The following KIAA1549L variants were observed in gnomAD, a reference collection of about 807,000 sequenced individuals.
KIAA1549L encodes the protein UPF0606 protein KIAA1549L.
Under a neutral mutation model 160.7 loss-of-function variants are expected in KIAA1549L, and 88 were observed. The observed-to-expected ratio is 0.55, with a 90% CI of 0.46 to 0.65. The LOEUF is 0.65. KIAA1549L is among the 30% of genes least tolerant of loss of function. The pLI is 0.00. For synonymous variants in KIAA1549L, 950 were observed against 976.7 expected (o/e 0.97, Z 0.51); for missense variants, 2,258 against 2,437.5 (o/e 0.93, Z 1.55).
intron 1 of KIAA1549L, among the ~76,000 whole-genome samples, chr11:33,407,064 G>A (rs1331818007): frequency 6.8e-6 from 1 of 147,868 alleles, no homozygotes; most frequent in Non-Finnish European, 1.5e-5. Context: ...GTGGAGTTCA[G>A]TCCTTTTTCT....
At position 33,608,851 on chromosome 11, in the gene KIAA1549L, T is replaced by G. The variant is rs1334832162; in HGVS notation, c.5062-898T>G. On this transcript the variant is annotated intron_variant, in intron 14 of 20. Transcript: ENST00000658780. Reference sequence around the variant, plus strand: ...CTGCCTTGTGGAGCCTGACACAGATTGTCTTGTAATTTTCTTCCTCCTTCT... The same window carrying G: ...CTGCCTTGTGGAGCCTGACACAGATGGTCTTGTAATTTTCTTCCTCCTTCT... 2.0e-5 allele frequency among the ~76,000 whole-genome samples: 3 copies of G among 152,256 alleles called. No homozygotes were observed. The South Asian group carries it at 6.2e-4, about 31-fold the overall frequency.
chr11:33,440,120 CTTTT>C (rs201551936), intron 1 of KIAA1549L, among the ~76,000 whole-genome samples: 8 of 83,426 alleles, frequency 9.6e-5, no homozygotes, highest in Non-Finnish European at 2.0e-4. Flanking sequence ...TATTTTGTTT[CTTTT>C]TTTTTTTTTT....
intron 15 of KIAA1549L, among the ~76,000 whole-genome samples, chr11:33,613,807 A>T (rs1045965168): frequency 2.6e-5 from 4 of 152,238 alleles, no homozygotes; most frequent in Admixed American, 1.3e-4. Flanking sequence ...TAGGTTCCAA[A>T]TGTTGACTCA....
chr11:33,548,237 A>G (rs776739288), intron 4 of KIAA1549L, among the ~76,000 whole-genome samples: 3 of 152,142 alleles, frequency 2.0e-5, no homozygotes, highest in Non-Finnish European at 2.9e-5. Context: ...CGTCTCTACT[A>G]AAAATACAAA....
chr11:33,648,035 C>T (rs1847168072), intron 17 of KIAA1549L, among the ~76,000 whole-genome samples: 1 of 152,208 alleles, frequency 6.6e-6, no homozygotes, highest in Non-Finnish European at 1.5e-5. Context: ...GTCACCCAGG[C>T]TGGAGTGCAA....
Position 33,398,972 on chromosome 11 carries a change from A to G in KIAA1549L, c.238+22083A>G, listed in dbSNP as rs192579112. ...AGTGTTTTTTTTTTTTTTTCTTTTGAAATGGAGTCTTGCTCTGTCACCCAG... is the reference window on the plus strand; with the variant it reads ...AGTGTTTTTTTTTTTTTTTCTTTTGGAATGGAGTCTTGCTCTGTCACCCAG... On this transcript the variant is annotated intron_variant, in intron 1 of 20. Transcript: ENST00000658780. 7.6e-3 allele frequency among the ~76,000 whole-genome samples: 1,126 copies of G among 148,606 alleles called. 13 individuals carry two copies. Among genetic ancestry groups the G allele is most frequent in the Non-Finnish European group, 0.01 (688 of 67,302 alleles).
intron 1 of KIAA1549L, among the ~76,000 whole-genome samples, chr11:33,464,793 T>C (rs1321815307): frequency 6.6e-6 from 1 of 152,084 alleles, no homozygotes; most frequent in Non-Finnish European, 1.5e-5. Context: ...GCTTACTAGC[T>C]CTTTCTTGAT....
At chr11:33,424,860 G>A (rs1180173242) in intron 1 of KIAA1549L, among the ~76,000 whole-genome samples, 5 of 152,184 alleles carry the variant, frequency 3.3e-5, no homozygotes, top group African/African-American at 9.7e-5. Flanking sequence ...TGGACTCTGT[G>A]TGGTGAGGAG....
chr11:33,497,021 C>T (rs566917745), intron 1 of KIAA1549L, among the ~76,000 whole-genome samples: 1 of 152,242 alleles, frequency 6.6e-6, no homozygotes, highest in Admixed American at 6.5e-5. Flanking sequence ...CAAATCTTCC[C>T]ATAGCTACTA....
intron 13 of KIAA1549L, among the ~76,000 whole-genome samples, chr11:33,600,052 C>T (rs1166768364): frequency 6.6e-6 from 1 of 152,026 alleles, no homozygotes; most frequent in Non-Finnish European, 1.5e-5. Flanking sequence ...GAAATAACGA[C>T]ACATGGATTT....
chr11:33,470,995 T>A (rs1460422635), intron 1 of KIAA1549L, among the ~76,000 whole-genome samples: 1 of 151,674 alleles, frequency 6.6e-6, no homozygotes, highest in Non-Finnish European at 1.5e-5. Context: ...GTTTCTTGCA[T>A]TTTTTTTAAG....
At chr11:33,476,462 T>G (rs1328976673) in intron 1 of KIAA1549L, among the ~76,000 whole-genome samples, 1 of 152,182 alleles carries the variant, frequency 6.6e-6, no homozygotes, top group East Asian at 1.9e-4. Flanking sequence ...GCAGTTTTGA[T>G]ACAGCAGTCT....
rs1854453313 is a variant in KIAA1549L, at chr11:33,551,257, C to T, written c.3719C>T (p.Thr1240Ile). 1.2e-6 allele frequency: 2 copies of T among 1,612,196 alleles called. No individual in the cohort carries two copies. Among genetic ancestry groups the T allele is most frequent in the Non-Finnish European group, 8.5e-7 (1 of 1,179,318 alleles). ...PQPAGYFQLK[T>I]VLQFVSQADN... The stretch of plus-strand genomic sequence containing the variant: ...CCTGCAGGCTACTTCCAGCTAAAAA[C>T]AGGCAAGTGACTCGGAAGGAAGGGA... Residue 1240 changes from threonine to isoleucine, a missense_variant and splice_region_variant, in exon 5 of 21, where the codon ACA becomes ATA. Transcript: ENST00000658780.
intron 1 of KIAA1549L, among the ~76,000 whole-genome samples, chr11:33,388,809 C>T (rs368991307): frequency 6.6e-6 from 1 of 152,184 alleles, no homozygotes; most frequent in African/African-American, 2.4e-5. Context: ...CCCTGGCTTC[C>T]TTCTCTAGAC....
intron 1 of KIAA1549L, among the ~76,000 whole-genome samples, chr11:33,413,410 C>A (rs1850822610): frequency 6.7e-6 from 1 of 148,328 alleles, no homozygotes; most frequent in Non-Finnish European, 1.5e-5. Flanking sequence ...TGCGCGCCAG[C>A]TGGGGAGACA....
At position 33,639,348 on chromosome 11, in the gene KIAA1549L, C is replaced by T. The variant is rs1312070420; in HGVS notation, c.5410-6338C>T. ...CCTCTATCCAATGGCCACCATGAAG[C>T]GCAAGACCAGGGGCCCATGTGTGGA... On this transcript the variant is annotated intron_variant, in intron 16 of 20. Transcript: ENST00000658780. 5.3e-5 allele frequency among the ~76,000 whole-genome samples: 8 copies of T among 152,130 alleles called. No individual in the cohort carries two copies. The South Asian group carries it at 1.2e-3, about 24-fold the overall frequency.
At chr11:33,568,399 C>G (rs1366571188) in intron 9 of KIAA1549L, among the ~76,000 whole-genome samples, 172 bp downstream of exon 9, 1 of 152,086 alleles carries the variant, frequency 6.6e-6, no homozygotes, top group Non-Finnish European at 1.5e-5. Flanking sequence ...TCATAACCAT[C>G]AAAAACATGA....
chr11:33,490,775 C>T (rs1412277406), intron 1 of KIAA1549L, among the ~76,000 whole-genome samples: 1 of 152,180 alleles, frequency 6.6e-6, no homozygotes, highest in Non-Finnish European at 1.5e-5. Flanking sequence ...ACATTTAACA[C>T]CGTGCTCTCA....
rs555859912 is a variant in KIAA1549L at position 33,635,674 on chromosome 11, A to G, written c.5410-10012A>G. Among the ~76,000 whole-genome samples, 11 of 149,788 alleles carry G rather than the reference A, an allele frequency of 7.3e-5. No homozygotes were observed. The South Asian group carries it at 2.3e-3, about 32-fold the overall frequency. On this transcript the variant is annotated intron_variant, in intron 16 of 20. Transcript: ENST00000658780. Reference sequence around the variant, plus strand: ...TCCCTCTTCGTTAAGCCCATTCTAGATAAAACTGTTTCATTCATTTTAGAC... The same window carrying G: ...TCCCTCTTCGTTAAGCCCATTCTAGGTAAAACTGTTTCATTCATTTTAGAC...
Sources: gnomAD v4.1 joint callset for allele counts (sites outside exome capture counted in the v4.1 genomes callset) on GRCh38, gnomAD v4.1.1 for gene constraint, MANE v1.5 for transcripts, NCBI Gene and HGNC (gene_info 2026-07-23, HGNC 2026-07-21) for gene names.